Variants in DMD observed in about 807,000 individuals in gnomAD.
DMD encodes the protein mutant dystrophin.
DMD carries 63 observed loss-of-function variants against 330.1 expected under a neutral mutation model. The observed-to-expected ratio is 0.19, with a 90% CI of 0.16 to 0.24. The LOEUF is 0.24. Among genes scored for constraint, DMD ranks in the 10% least tolerant of loss-of-function variants. DMD has a pLI of 1.00. For missense variants in DMD, 3,344 were observed against 2,684.1 expected, an observed-to-expected ratio of 1.25 and a Z score of -5.43; for synonymous variants, 1,223 against 959.8, an observed-to-expected ratio of 1.27 and a Z score of -5.07.
intron 20 of DMD, among the ~76,000 whole-genome samples, chrX:32,490,883 CTTG>C (rs1056777827): frequency 8.9e-6 from 1 of 111,970 alleles, no homozygotes; most frequent in Non-Finnish European, 1.9e-5. Context: ...TGCATCCAAG[CTTG>C]TTGTTGACCC....
chrX:32,928,087 T>C (rs1208944303), intron 2 of DMD, among the ~76,000 whole-genome samples: 6 of 111,216 alleles, frequency 5.4e-5, no homozygotes, highest in African/African-American at 1.6e-4. Context: ...AAATATTAAA[T>C]ATTTTTATAT....
chrX:31,918,820 T>A (rs956466905), intron 47 of DMD, among the ~76,000 whole-genome samples: 18 of 110,929 alleles, frequency 1.6e-4, no homozygotes, highest in Non-Finnish European at 3.2e-4. Flanking sequence ...GTATTTTTAG[T>A]AGAGACAGGG....
chrX:31,446,770 T>C (rs1487415745), intron 59 of DMD, among the ~76,000 whole-genome samples: 3 of 112,233 alleles, frequency 2.7e-5, no homozygotes, highest in African/African-American at 9.7e-5. Context: ...GGGGGAAACT[T>C]GGACAAGGAC....
At chrX:31,312,132 T>C (rs146163471) in intron 62 of DMD, among the ~76,000 whole-genome samples, 5,980 of 112,172 alleles carry the variant, frequency 0.053, 165 homozygotes, top group Non-Finnish European at 0.087. Context: ...AAAGAGCTTC[T>C]GCACAGCAAA....
chrX:32,554,660 T>G (rs1008933398), intron 16 of DMD, among the ~76,000 whole-genome samples: 3 of 107,932 alleles, frequency 2.8e-5, no homozygotes, highest in Middle Eastern at 4.7e-3. Flanking sequence ...CAGGTCCAGA[T>G]GGAATCATAG....
At chrX:33,183,114 T>C in intron 1 of DMD, among the ~76,000 whole-genome samples, 1 of 112,120 alleles carries the variant, frequency 8.9e-6, no homozygotes, top group African/African-American at 3.2e-5. Flanking sequence ...AAAACTATTT[T>C]AAATCTTTTA....
intron 1 of DMD, among the ~76,000 whole-genome samples, chrX:33,145,163 A>AAACATGG (rs2047966484): frequency 8.9e-6 from 1 of 112,238 alleles, no homozygotes; most frequent in South Asian, 3.6e-4. Context: ...ATATATGAGA[A>AAACATGG]AACATGGGAA....
intron 43 of DMD, among the ~76,000 whole-genome samples, chrX:32,228,373 T>A (rs1408687932): frequency 9.0e-6 from 1 of 111,578 alleles, no homozygotes; most frequent in Non-Finnish European, 1.9e-5. Context: ...CAGGGTGTAC[T>A]ATTCCTGCAC....
intron 1 of DMD, among the ~76,000 whole-genome samples, chrX:33,332,564 G>T (rs1419849979): frequency 4.5e-5 from 5 of 110,935 alleles, no homozygotes; most frequent in Non-Finnish European, 7.6e-5. Context: ...CATTTACATA[G>T]CATAAATATT....
chrX:33,143,485 T>C (rs2047891339), intron 1 of DMD, among the ~76,000 whole-genome samples: 1 of 111,550 alleles, frequency 9.0e-6, no homozygotes, highest in Non-Finnish European at 1.9e-5. Context: ...GCTTATTCTT[T>C]TGACTGTAGC....
chrX:31,815,541 G>A (rs1276530319), intron 50 of DMD, among the ~76,000 whole-genome samples: 3 of 111,549 alleles, frequency 2.7e-5, no homozygotes, highest in Non-Finnish European at 3.8e-5. Context: ...TATACTTTGC[G>A]AAGAACTGGG....
chrX:32,613,769 C>T (rs1228466439), intron 12 of DMD, among the ~76,000 whole-genome samples: 2 of 111,298 alleles, frequency 1.8e-5, no homozygotes, highest in African/African-American at 3.3e-5. Context: ...TTTCCAAATA[C>T]GAAAAGCCTA....
intron 30 of DMD, 92 bp downstream of exon 30, chrX:32,411,660 C>G: frequency 6.6e-6 from 7 of 1,054,519 alleles, no homozygotes; most frequent in Non-Finnish European, 9.2e-6. Context: ...CCATGGAAAA[C>G]TAGTTGAATA....
intron 1 of DMD, among the ~76,000 whole-genome samples, chrX:33,306,525 A>T (rs1019186010): frequency 9.0e-6 from 1 of 111,268 alleles, no homozygotes; most frequent in African/African-American, 3.3e-5. Flanking sequence ...AATTGAGGAA[A>T]TAAGTAGGAG....
At chrX:32,941,644 G>C (rs967881518) in intron 2 of DMD, among the ~76,000 whole-genome samples, 1 of 110,731 alleles carries the variant, frequency 9.0e-6, no homozygotes, top group African/African-American at 3.3e-5. Flanking sequence ...AGACACTAGG[G>C]ATTACTAGAA....
At chrX:31,487,381 C>T (rs1436792469) in intron 57 of DMD, among the ~76,000 whole-genome samples, 2 of 110,441 alleles carry the variant, frequency 1.8e-5, no homozygotes, top group African/African-American at 6.6e-5. Flanking sequence ...CTGCCTCAGC[C>T]TCCCGAGTAG....
intron 42 of DMD, among the ~76,000 whole-genome samples, chrX:32,298,318 T>C (rs2097505927): frequency 9.1e-6 from 1 of 110,361 alleles, no homozygotes; most frequent in South Asian, 3.8e-4. Flanking sequence ...TCCTTAGGAT[T>C]TGGTGGCCAA....
intron 52 of DMD, among the ~76,000 whole-genome samples, chrX:31,683,511 G>T (rs1213418340): frequency 8.9e-6 from 1 of 112,420 alleles, no homozygotes; most frequent in Non-Finnish European, 1.9e-5. Flanking sequence ...TAGCATAGCT[G>T]TGTATTTTGG....
intron 57 of DMD, among the ~76,000 whole-genome samples, chrX:31,484,069 T>A (rs1427862403): frequency 3.6e-5 from 4 of 111,559 alleles, no homozygotes; most frequent in African/African-American, 1.3e-4. Flanking sequence ...TAACTCACCA[T>A]AAACTGCATG....
Sources: allele counts gnomAD v4.1 joint callset (sites outside exome capture counted in the v4.1 genomes callset), GRCh38; gene constraint gnomAD v4.1.1; transcripts MANE v1.5; gene names NCBI Gene and HGNC (gene_info 2026-07-23, HGNC 2026-07-21).